Variants in LARGE1 observed in about 807,000 individuals in gnomAD.
LARGE1 encodes the protein xylosyl- and glucuronyltransferase LARGE1.
In LARGE1, 43 loss-of-function variants were observed where a neutral mutation model predicts 87.6. The observed-to-expected ratio is 0.49, with a 90% CI of 0.38 to 0.63. LARGE1 has a LOEUF of 0.63. LARGE1 is among the 30% of genes least tolerant of loss of function. The pLI is 0.00. For missense variants in LARGE1, 802 were observed against 1,000.2 expected (o/e 0.80, Z 2.67); for synonymous variants, 434 against 394.6 (o/e 1.10, Z -1.18).
rs138685821 is a variant in LARGE1 at position 33,856,711 on chromosome 22, A to C, written c.-83+63284T>G. 1.7e-3 allele frequency: 255 copies of C among 152,298 alleles called. 1 individual carries two copies. Among genetic ancestry groups the C allele is most frequent in the African/African-American group, 5.9e-3 (244 of 41,546 alleles). The allele number at this position is 152,298 out of a possible 1,614,324, so 9.4% of individuals were successfully genotyped here. A position where few individuals can be genotyped will look rare whatever the true frequency, so the allele number is the denominator to read the frequency against. ...AAAGGTTTCTGTGAGGATTTAATAA[A>C]ACAGCTTTGAAAACGCTACACATCT... On this transcript the variant is annotated intron_variant, in intron 1 of 14. Coordinates refer to ENST00000397394, the MANE Select transcript of LARGE1 (RefSeq NM_133642.5).
At chr22:33,213,924 G>A (rs1018284428) in intron 11 of LARGE1, among the ~76,000 whole-genome samples, 5 of 152,082 alleles carry the variant, frequency 3.3e-5, no homozygotes, top group African/African-American at 1.2e-4. Context: ...CGCCTCCCAA[G>A]TTCACGCCAT....
chr22:33,823,324 G>A (rs2062692346), intron 1 of LARGE1, among the ~76,000 whole-genome samples: 1 of 152,126 alleles, frequency 6.6e-6, no homozygotes, highest in Non-Finnish European at 1.5e-5. Context: ...TGTTAATGCT[G>A]GCTTCCTTGC....
intron 1 of LARGE1, among the ~76,000 whole-genome samples, chr22:33,895,808 C>T (rs940653709): frequency 9.9e-5 from 15 of 152,192 alleles, no homozygotes; most frequent in African/African-American, 3.4e-4. Flanking sequence ...AGAAGCAAGT[C>T]ACAAGTCCCC....
chr22:33,674,591 C>T (rs924922513), intron 2 of LARGE1, among the ~76,000 whole-genome samples: 3 of 152,162 alleles, frequency 2.0e-5, no homozygotes, highest in African/African-American at 7.2e-5. Context: ...TCTCAGTGCC[C>T]CAGGTATGGC....
chr22:33,771,177 T>A (rs76097398), intron 1 of LARGE1, among the ~76,000 whole-genome samples: 4 of 151,300 alleles, frequency 2.6e-5, no homozygotes, highest in Non-Finnish European at 5.9e-5. Context: ...TTTTTTGCTT[T>A]TTTTTTTTTT....
the LARGE1 span, among the ~76,000 whole-genome samples, chr22:33,067,628 G>T: frequency 1.3e-5 from 2 of 152,148 alleles, no homozygotes; most frequent in Non-Finnish European, 2.9e-5. Flanking sequence ...CCAGGGTCAG[G>T]AGTTGAACCC....
chr22:33,279,064 T>C (rs1166515788), intron 13 of LARGE1, among the ~76,000 whole-genome samples: 2 of 152,112 alleles, frequency 1.3e-5, no homozygotes, highest in African/African-American at 4.8e-5. Context: ...TCCTGGCCTG[T>C]TGAACGAGTA....
chr22:33,554,041 C>T (rs534417649), intron 6 of LARGE1, among the ~76,000 whole-genome samples: 1 of 152,114 alleles, frequency 6.6e-6, no homozygotes, highest in Non-Finnish European at 1.5e-5. Context: ...TTCAACGCAG[C>T]GGCAGCTGGA....
intron 5 of LARGE1, among the ~76,000 whole-genome samples, chr22:33,601,284 C>A (rs928961172): frequency 6.6e-6 from 1 of 152,150 alleles, no homozygotes; most frequent in Non-Finnish European, 1.5e-5. Context: ...GGAAAGATCA[C>A]AAAGCATGGA....
At chr22:33,367,660 C>T (rs965195102) in intron 9 of LARGE1, among the ~76,000 whole-genome samples, 1 of 152,090 alleles carries the variant, frequency 6.6e-6, no homozygotes, top group Non-Finnish European at 1.5e-5. Flanking sequence ...CTCCTGAACT[C>T]AAGGGATCCT....
intron 1 of LARGE1, among the ~76,000 whole-genome samples, chr22:33,827,182 G>A (rs2062819915): frequency 6.7e-6 from 1 of 150,116 alleles, no homozygotes; most frequent in South Asian, 2.1e-4. Flanking sequence ...CTAACACGGT[G>A]AAACCCCGTC....
At chr22:33,527,061 A>G (rs1469202400) in intron 6 of LARGE1, among the ~76,000 whole-genome samples, 4 of 152,206 alleles carry the variant, frequency 2.6e-5, no homozygotes, top group African/African-American at 7.2e-5. Flanking sequence ...GTTCGAGACC[A>G]GCCTGACCTA....
rs151124695 is a variant in LARGE1, at chr22:33,736,460, C to A, written c.106+24911G>T. ...CTTTGGAGAAATATCTATTCAAATCCATCACTCAATTTTTTAATTGGCTTA... is the reference window on the plus strand; with the variant it reads ...CTTTGGAGAAATATCTATTCAAATCAATCACTCAATTTTTTAATTGGCTTA... On this transcript the variant is annotated intron_variant, in intron 2 of 14. Coordinates refer to ENST00000397394, the MANE Select transcript of LARGE1 (RefSeq NM_133642.5). 6.6e-3 allele frequency among the ~76,000 whole-genome samples: 1,001 copies of A among 152,204 alleles called. 4 individuals are homozygous for A. The highest frequency in any genetic ancestry group is 0.018 in the South Asian group (88 of 4,820).
intron 6 of LARGE1, among the ~76,000 whole-genome samples, chr22:33,466,693 T>TACACACACACACACACACACAC (rs536654371): frequency 2.1e-4 from 31 of 145,342 alleles, no homozygotes; most frequent in East Asian, 1.4e-3. Context: ...TCTCTCTCTC[T>TACACACACACACACACACACAC]ACACACACAC....
At chr22:33,682,422 C>A (rs1480139476) in intron 2 of LARGE1, among the ~76,000 whole-genome samples, 1 of 152,172 alleles carries the variant, frequency 6.6e-6, no homozygotes, top group Non-Finnish European at 1.5e-5. Context: ...CCAGGACACC[C>A]CAGGCTGTTC....
intron 1 of LARGE1, among the ~76,000 whole-genome samples, chr22:33,764,185 C>A (rs1352951087): frequency 6.6e-6 from 1 of 151,926 alleles, no homozygotes; most frequent in Non-Finnish European, 1.5e-5. Context: ...TCCCACATTT[C>A]CCCCACAGGA....
At chr22:33,640,947 G>A (rs541143202) in intron 3 of LARGE1, among the ~76,000 whole-genome samples, 16 of 152,310 alleles carry the variant, frequency 1.1e-4, no homozygotes, top group Admixed American at 6.5e-4. Context: ...TCCCATCTCC[G>A]TGAGACAGAG....
chr22:33,267,780 C>T (rs1047268692), downstream of LARGE1, among the ~76,000 whole-genome samples: 9 of 151,508 alleles, frequency 5.9e-5, no homozygotes, highest in Non-Finnish European at 8.8e-5. Flanking sequence ...CTATCACTTA[C>T]GTAGAAGATG....
chr22:33,460,605 C>G (rs777828769), intron 6 of LARGE1, among the ~76,000 whole-genome samples: 166 of 152,254 alleles, frequency 1.1e-3, no homozygotes, highest in Middle Eastern at 3.4e-3. Context: ...TAAGATAGCA[C>G]AGACCCTGAG....
Sources: gnomAD v4.1 joint callset for allele counts (sites outside exome capture counted in the v4.1 genomes callset) on GRCh38, gnomAD v4.1.1 for gene constraint, MANE v1.5 for transcripts, NCBI Gene and HGNC (gene_info 2026-07-23, HGNC 2026-07-21) for gene names.